Variants in LYRM4 observed in about 807,000 individuals in gnomAD.
LYRM4 encodes LYR motif-containing protein 4.
Under a neutral mutation model 11.7 loss-of-function variants are expected in LYRM4, and 9 were observed. The observed-to-expected ratio is 0.77, with a 90% CI of 0.46 to 1.34. LYRM4 has a LOEUF of 1.34. LYRM4 is among the 40% of genes most tolerant of loss of function. LYRM4 has a pLI of 0.00. For missense variants in LYRM4, 133 were observed against 112.5 expected (o/e 1.18, Z -0.82); for synonymous variants, 42 against 40.4 (o/e 1.04, Z -0.15).
In LYRM4 at chr6:5,238,528, T is replaced by A. The variant is rs976090941; in HGVS notation, c.87-21790A>T. Among the ~76,000 whole-genome samples the A allele has an allele frequency of 3.3e-4, 50 of 152,224 alleles. 1 individual carries two copies. Reference sequence around the variant, plus strand: ...AACTAACAAATCATAAGCATTTAAATAGGAGTAAGTCCAGGGGCCTTGTAA... The same window carrying A: ...AACTAACAAATCATAAGCATTTAAAAAGGAGTAAGTCCAGGGGCCTTGTAA... On this transcript the variant is annotated intron_variant, in intron 1 of 2. Coordinates refer to ENST00000330636, the MANE Select transcript of LYRM4 (RefSeq NM_020408.6).
intron 2 of LYRM4, chr6:5,113,487 G>C (rs1216887755): frequency 3.1e-6 from 1 of 319,092 alleles, no homozygotes; most frequent in East Asian, 1.2e-4. Flanking sequence ...GTTATAGACG[G>C]GCAGCCAGAG....
At position 5,120,174 on chromosome 6, in the gene LYRM4, C is replaced by T. The variant is rs138014306; in HGVS notation, c.208-10683G>A. Among the ~76,000 whole-genome samples the T allele has an allele frequency of 4.9e-4, 75 of 152,278 alleles. No individual in the cohort carries two copies. The East Asian group carries it at 0.013, about 27-fold the overall frequency. Reference sequence around the variant, plus strand: ...CCTCCCAAAGTGCTAGGATTATAGGCATGAGGCACGGTGCCTGGCCGGGAA... The same window carrying T: ...CCTCCCAAAGTGCTAGGATTATAGGTATGAGGCACGGTGCCTGGCCGGGAA... On this transcript the variant is annotated intron_variant, in intron 2 of 2. Coordinates refer to ENST00000330636, the MANE Select transcript of LYRM4 (RefSeq NM_020408.6).
intron 1 of LYRM4, among the ~76,000 whole-genome samples, chr6:5,245,089 TAAAAAAAAAAAAA>T (rs71540855): frequency 0.033 from 508 of 15,502 alleles, 49 homozygotes; most frequent in Middle Eastern, 0.2. Flanking sequence ...AGGAAGACCT[TAAAAAAAAAAAAA>T]AAAAAAAAAA....
At chr6:5,035,598 C>CTT in the LYRM4 span, among the ~76,000 whole-genome samples, 2 of 168 alleles carry the variant, frequency 0.012, 1 homozygote, top group Non-Finnish European at 0.071. Flanking sequence ...CCCTCCCTTC[C>CTT]CCTCCTCCCC....
chr6:5,056,990 G>A, the LYRM4 span, among the ~76,000 whole-genome samples: 1 of 152,088 alleles, frequency 6.6e-6, no homozygotes, highest in African/African-American at 2.4e-5. Flanking sequence ...ACTGAATGTT[G>A]AAAAGACATG....
intron 1 of LYRM4, among the ~76,000 whole-genome samples, chr6:5,251,311 A>G (rs558333242): frequency 9.7e-4 from 147 of 152,286 alleles, no homozygotes; most frequent in African/African-American, 3.3e-3. Flanking sequence ...GTGCTTGTTA[A>G]TACTATTCAT....
chr6:5,178,008 T>TA (rs397744333), intron 2 of LYRM4, among the ~76,000 whole-genome samples: 2 of 151,956 alleles, frequency 1.3e-5, no homozygotes, highest in Admixed American at 1.3e-4. Context: ...ATTTTTTTTT[T>TA]AACTAAGTAT....
chr6:5,035,074 CA>C, the LYRM4 span, among the ~76,000 whole-genome samples: 134 of 152,150 alleles, frequency 8.8e-4, 1 homozygote, highest in African/African-American at 2.5e-3. Flanking sequence ...CTCTGTAACA[CA>C]AATGGTGTTT....
the LYRM4 span, among the ~76,000 whole-genome samples, chr6:5,036,271 A>C: frequency 6.6e-6 from 1 of 152,198 alleles, no homozygotes; most frequent in Non-Finnish European, 1.5e-5. Context: ...GTGTAATTCC[A>C]GAATATTGAG....
At chr6:5,060,528 C>G in the LYRM4 span, among the ~76,000 whole-genome samples, 2 of 148,174 alleles carry the variant, frequency 1.3e-5, no homozygotes, top group East Asian at 3.9e-4. Context: ...GAGACAAAGT[C>G]TCACTGTGTC....
At chr6:5,218,900 T>G (rs1762427903) in intron 1 of LYRM4, among the ~76,000 whole-genome samples, 1 of 152,242 alleles carries the variant, frequency 6.6e-6, no homozygotes, top group East Asian at 1.9e-4. Context: ...AAACACAGCA[T>G]CACTGTTCTT....
intron 1 of LYRM4, among the ~76,000 whole-genome samples, chr6:5,241,703 A>G (rs1763889710): frequency 6.6e-6 from 1 of 152,222 alleles, no homozygotes. Flanking sequence ...TCCAGTGCCT[A>G]GAACAGTGCC....
In LYRM4 at chr6:5,148,380, C is replaced by T. The variant is rs116011298; in HGVS notation, c.208-38889G>A. Reference sequence around the variant, plus strand: ...GCAAAGACCTTTATGAGCCTCAAGGCTATGTGACACCCACAGATCAGCAGG... The same window carrying T: ...GCAAAGACCTTTATGAGCCTCAAGGTTATGTGACACCCACAGATCAGCAGG... On this transcript the variant is annotated intron_variant, in intron 2 of 2. Transcript: ENST00000330636. The T allele has an allele frequency of 3.9e-3, 601 of 155,316 alleles. 2 individuals are homozygous for T. Among genetic ancestry groups the T allele is most frequent in the African/African-American group, 0.014 (568 of 41,668 alleles). 9.6% of individuals were successfully genotyped at this position (155,316 alleles called of 1,614,324 possible).
intron 1 of LYRM4, among the ~76,000 whole-genome samples, chr6:5,245,104 AAAAAAAAAAATATATATATATATATATAT>A (rs1338074491): frequency 7.4e-4 from 42 of 57,106 alleles, no homozygotes; most frequent in Middle Eastern, 7.4e-3. Context: ...AAAAAAAAAA[AAAAAAAAAAATATATATATATATATATAT>A]ATATATATAT....
chr6:5,089,642 A>C, the LYRM4 span, among the ~76,000 whole-genome samples: 2 of 152,246 alleles, frequency 1.3e-5, no homozygotes, highest in East Asian at 3.8e-4. Flanking sequence ...CAAATGATTC[A>C]TTTTAAAAGA....
At chr6:5,253,343 T>C (rs1400047440) in intron 1 of LYRM4, among the ~76,000 whole-genome samples, 4 of 152,220 alleles carry the variant, frequency 2.6e-5, no homozygotes, top group Admixed American at 1.3e-4. Flanking sequence ...AGTTTTTGCA[T>C]TGCTGGAATT....
At chr6:5,119,286 CAAGA>C (rs1422127206) in intron 2 of LYRM4, among the ~76,000 whole-genome samples, 1 of 152,094 alleles carries the variant, frequency 6.6e-6, no homozygotes, top group Non-Finnish European at 1.5e-5. Context: ...CTTGTTGGGA[CAAGA>C]GAGAAACAAG....
At chr6:5,098,049 C>T in the LYRM4 span, among the ~76,000 whole-genome samples, 1 of 152,152 alleles carries the variant, frequency 6.6e-6, no homozygotes, top group Non-Finnish European at 1.5e-5. Context: ...CCTTGAACTC[C>T]TGGGACAGGC....
At chr6:5,227,013 A>T (rs1387622547) in intron 1 of LYRM4, among the ~76,000 whole-genome samples, 1 of 152,186 alleles carries the variant, frequency 6.6e-6, no homozygotes, top group African/African-American at 2.4e-5. Flanking sequence ...TGAGGAATTA[A>T]ACCCTGGTGA....
Sources: gnomAD v4.1 joint callset for allele counts (sites outside exome capture counted in the v4.1 genomes callset) on GRCh38, gnomAD v4.1.1 for gene constraint, MANE v1.5 for transcripts, NCBI Gene and HGNC (gene_info 2026-07-23, HGNC 2026-07-21) for gene names.